Variants in ST6GALNAC3 observed in about 807,000 individuals in gnomAD.
ST6GALNAC3 encodes the protein ST6 N-acetylgalactosaminide alpha-2,6-sialyltransferase 3.
Under a neutral mutation model 32.7 loss-of-function variants are expected in ST6GALNAC3, and 25 were observed. The ratio of observed to expected loss-of-function variants is 0.76; its 90% CI spans 0.56 to 1.07. The LOEUF (loss-of-function observed/expected upper bound fraction) is 1.07, where lower values mean the gene tolerates loss of function less well. Ranked by LOEUF, ST6GALNAC3 falls within the 50% of genes least tolerant of loss-of-function variation. The pLI is 0.00. For missense variants in ST6GALNAC3, 355 were observed against 382.4 expected (o/e 0.93, Z 0.60); for synonymous variants, 129 against 133.1 (o/e 0.97, Z 0.21).
At chr1:76,225,516 C>T (rs1199323858) in intron 1 of ST6GALNAC3, among the ~76,000 whole-genome samples, 1 of 152,124 alleles carries the variant, frequency 6.6e-6, no homozygotes, top group Non-Finnish European at 1.5e-5. Context: ...ACTCCCTGCC[C>T]CAACCCCACC....
intron 1 of ST6GALNAC3, among the ~76,000 whole-genome samples, chr1:76,092,986 G>A (rs1345174002): frequency 6.6e-6 from 1 of 152,166 alleles, no homozygotes; most frequent in Admixed American, 6.5e-5. Context: ...GCAGAGGCAG[G>A]TGGTTTGACT....
At position 76,107,309 on chromosome 1, in the gene ST6GALNAC3, T is replaced by TC. The variant is rs1557619000; in HGVS notation, c.18+32425_18+32426insC. Among the ~76,000 whole-genome samples, 13 of 152,170 alleles carry TC rather than the reference T, an allele frequency of 8.5e-5. No homozygotes were observed. In the South Asian group the frequency reaches 2.7e-3, roughly 32 times the overall value. On this transcript the variant is annotated intron_variant, in intron 1 of 4. Transcript: ENST00000328299. ...AAACACACTTTTGCTTTTTTTTTTT[T>TC]TTTTTATAATAATCAGGCATCCAAT...
At chr1:76,185,658 A>G (rs1351323315) in intron 1 of ST6GALNAC3, among the ~76,000 whole-genome samples, 1 of 152,146 alleles carries the variant, frequency 6.6e-6, no homozygotes, top group African/African-American at 2.4e-5. Flanking sequence ...TGGAGCACAT[A>G]CTGTGTTCTG....
intron 1 of ST6GALNAC3, among the ~76,000 whole-genome samples, chr1:76,305,084 C>A (rs541405573): frequency 6.6e-6 from 1 of 151,954 alleles, no homozygotes; most frequent in African/African-American, 2.4e-5. Flanking sequence ...TGAGTGAGGG[C>A]AACAGGTGGA....
chr1:76,619,162 G>A (rs192752814), intron 3 of ST6GALNAC3, among the ~76,000 whole-genome samples: 1 of 152,254 alleles, frequency 6.6e-6, no homozygotes, highest in East Asian at 1.9e-4. Context: ...TCAATAGGTA[G>A]AGGATATACT....
intron 1 of ST6GALNAC3, among the ~76,000 whole-genome samples, chr1:76,159,990 G>A (rs1341168444): frequency 6.6e-6 from 1 of 152,140 alleles, no homozygotes; most frequent in Admixed American, 6.5e-5. Context: ...GTTAATGATG[G>A]CACTAAACTG....
At chr1:76,450,974 A>C (rs1657353040) in intron 3 of ST6GALNAC3, among the ~76,000 whole-genome samples, 1 of 152,146 alleles carries the variant, frequency 6.6e-6, no homozygotes, top group Non-Finnish European at 1.5e-5. Flanking sequence ...GTTTGAAGTC[A>C]GGTAATGTGA....
intron 2 of ST6GALNAC3, among the ~76,000 whole-genome samples, chr1:76,382,206 C>T (rs1284639775): frequency 6.6e-6 from 1 of 152,020 alleles, no homozygotes; most frequent in East Asian, 1.9e-4. Context: ...ATTTTACTTA[C>T]CATGTATGAT....
intron 1 of ST6GALNAC3, among the ~76,000 whole-genome samples, chr1:76,209,883 T>C (rs1655041668): frequency 6.6e-6 from 1 of 152,132 alleles, no homozygotes; most frequent in Admixed American, 6.5e-5. Flanking sequence ...GGGGTTTATT[T>C]TGGCTCCTGG....
At chr1:76,438,230 C>G (rs1656298289) in intron 3 of ST6GALNAC3, among the ~76,000 whole-genome samples, 1 of 151,780 alleles carries the variant, frequency 6.6e-6, no homozygotes, top group African/African-American at 2.4e-5. Flanking sequence ...CGGCTCACTG[C>G]AAGCTCCACC....
chr1:76,288,075 T>C (rs1323775061), intron 1 of ST6GALNAC3, among the ~76,000 whole-genome samples: 1 of 152,210 alleles, frequency 6.6e-6, no homozygotes, highest in Non-Finnish European at 1.5e-5. Flanking sequence ...TTTGAGATGC[T>C]GATTCATTAT....
chr1:76,274,293 A>C (rs1659016843), intron 1 of ST6GALNAC3, among the ~76,000 whole-genome samples: 1 of 152,174 alleles, frequency 6.6e-6, no homozygotes, highest in African/African-American at 2.4e-5. Context: ...GTTTTTATAA[A>C]AATTCTAATT....
At chr1:76,294,201 A>G (rs1660259975) in intron 1 of ST6GALNAC3, among the ~76,000 whole-genome samples, 1 of 152,120 alleles carries the variant, frequency 6.6e-6, no homozygotes, top group Non-Finnish European at 1.5e-5. Context: ...ATTAGTCAGT[A>G]TTTTCAAAGA....
At chr1:76,178,811 A>C (rs1213566344) in intron 1 of ST6GALNAC3, among the ~76,000 whole-genome samples, 1 of 152,200 alleles carries the variant, frequency 6.6e-6, no homozygotes, top group Non-Finnish European at 1.5e-5. Context: ...GATTTTTCTT[A>C]GGTTCCCAGG....
chr1:76,108,919 T>G (rs1647730059), intron 1 of ST6GALNAC3, among the ~76,000 whole-genome samples: 2 of 151,574 alleles, frequency 1.3e-5, no homozygotes, highest in Non-Finnish European at 2.9e-5. Flanking sequence ...AAATAAAAAT[T>G]TTCACATCTA....
At chr1:76,474,098 T>C (rs1181994602) in intron 3 of ST6GALNAC3, among the ~76,000 whole-genome samples, 1 of 152,128 alleles carries the variant, frequency 6.6e-6, no homozygotes, top group Non-Finnish European at 1.5e-5. Flanking sequence ...GACATGTTAG[T>C]AGGACCAGCT....
At chr1:76,225,743 TAG>T in intron 1 of ST6GALNAC3, among the ~76,000 whole-genome samples, 1 of 152,238 alleles carries the variant, frequency 6.6e-6, no homozygotes, top group Middle Eastern at 3.4e-3. Flanking sequence ...AGTTGCACAA[TAG>T]AGATGAAATG....
At chr1:76,112,701 C>A (rs1046912168) in intron 1 of ST6GALNAC3, among the ~76,000 whole-genome samples, 22 of 146,676 alleles carry the variant, frequency 1.5e-4, no homozygotes, top group African/African-American at 5.1e-4. Flanking sequence ...ACTTCTCAGA[C>A]GGGGCGGCCG....
chr1:76,301,831 A>G (rs1660740652), intron 1 of ST6GALNAC3, among the ~76,000 whole-genome samples: 2 of 149,310 alleles, frequency 1.3e-5, no homozygotes, highest in Non-Finnish European at 3.0e-5. Context: ...AAGTTCAAAA[A>G]AAGAAGTTTT....
Sources: allele counts gnomAD v4.1 joint callset (sites outside exome capture counted in the v4.1 genomes callset), GRCh38; gene constraint gnomAD v4.1.1; transcripts MANE v1.5; gene names NCBI Gene and HGNC (gene_info 2026-07-23, HGNC 2026-07-21).